The following DOCK4 variants were observed in gnomAD, a reference collection of about 807,000 sequenced individuals.
The protein encoded by DOCK4 is dedicator of cytokinesis 4, also known as dedicator of cytokinesis protein 4.
A neutral mutation model predicts 268.1 loss-of-function variants in DOCK4; 97 were observed. The ratio of observed to expected loss-of-function variants is 0.36; its 90% CI spans 0.31 to 0.43. DOCK4 has a LOEUF of 0.43. DOCK4 is among the 20% of genes least tolerant of loss of function. The pLI, the probability that DOCK4 is intolerant of heterozygous loss-of-function variation, is 1.00. For missense variants in DOCK4, 2,145 were observed against 2,455.7 expected, an observed-to-expected ratio of 0.87 and a Z score of 2.67; for synonymous variants, 954 against 887.2, an observed-to-expected ratio of 1.08 and a Z score of -1.34.
At position 111,880,626 on chromosome 7, in the gene DOCK4, A is replaced by G. The variant is rs376633181; in HGVS notation, c.1588-3440T>C. Among the ~76,000 whole-genome samples the G allele has an allele frequency of 1.8e-4, 27 of 152,320 alleles. No individual in the cohort carries two copies. The Middle Eastern group carries it at 0.01, about 58-fold the overall frequency. On this transcript the variant is annotated intron_variant, in intron 16 of 52. Coordinates refer to ENST00000428084, the MANE Select transcript of DOCK4 (RefSeq NM_001363540.2). ...AGCAGAAAGACTAAATGATGAACCA[A>G]TCAAAAAGAACAAAACTGGAGGAAT...
chr7:112,108,476 AAG>A (rs752600476), intron 1 of DOCK4, among the ~76,000 whole-genome samples: 7 of 152,222 alleles, frequency 4.6e-5, no homozygotes, highest in Non-Finnish European at 1.0e-4. Flanking sequence ...ATGAATAAAC[AAG>A]AGAGTGTAAT....
rs746314394 is a variant in DOCK4, at chr7:111,796,671, C to T, written c.3167-6066G>A. On this transcript the variant is annotated intron_variant, in intron 30 of 52. Transcript: ENST00000428084. ...AACCATTTTTTTTTAAAGGTAAGTGCTTTAGCATGGGCCATAATAGCAGGC... is the reference window on the plus strand; with the variant it reads ...AACCATTTTTTTTTAAAGGTAAGTGTTTTAGCATGGGCCATAATAGCAGGC... 8.5e-5 allele frequency among the ~76,000 whole-genome samples: 13 copies of T among 152,216 alleles called. 1 individual carries two copies. The Middle Eastern group carries it at 0.01, about 119-fold the overall frequency.
intron 25 of DOCK4, 65 bp from the exon 26 acceptor site, chr7:111,834,751 C>T: frequency 9.1e-7 from 1 of 1,102,368 alleles, no homozygotes; most frequent in Non-Finnish European, 1.3e-6. Flanking sequence ...ACATCAGTAA[C>T]TTACACTGAA....
chr7:112,033,521 T>C (rs985556422), intron 1 of DOCK4, among the ~76,000 whole-genome samples: 7 of 152,262 alleles, frequency 4.6e-5, no homozygotes, highest in African/African-American at 1.7e-4. Flanking sequence ...TTATTTGCAA[T>C]AATTTCTCAC....
intron 39 of DOCK4, among the ~76,000 whole-genome samples, chr7:111,762,564 T>G (rs957091734): frequency 1.3e-5 from 2 of 152,094 alleles, no homozygotes; most frequent in Non-Finnish European, 2.9e-5. Flanking sequence ...TGCATAGATA[T>G]GCTGTGTTTT....
At chr7:112,062,708 C>T (rs1305012077) in intron 1 of DOCK4, among the ~76,000 whole-genome samples, 1 of 152,196 alleles carries the variant, frequency 6.6e-6, no homozygotes, top group East Asian at 1.9e-4. Context: ...TAGACAGAGT[C>T]TCGCTCTGTC....
intron 1 of DOCK4, among the ~76,000 whole-genome samples, chr7:112,143,993 T>C (rs191828989): frequency 5.9e-5 from 9 of 152,334 alleles, no homozygotes; most frequent in Non-Finnish European, 5.9e-5. Flanking sequence ...TGCCAGAATA[T>C]AGCAGAAAGA....
chr7:111,767,208 C>A, intron 37 of DOCK4, 90 bp from the exon 38 acceptor site: 2 of 959,960 alleles, frequency 2.1e-6, no homozygotes, highest in Non-Finnish European at 1.6e-6. Context: ...TTTCAGAGCA[C>A]CAAGCCTTAC....
chr7:112,090,789 T>G (rs1809552552), intron 1 of DOCK4, among the ~76,000 whole-genome samples: 1 of 152,172 alleles, frequency 6.6e-6, no homozygotes, highest in Admixed American at 6.5e-5. Context: ...CTGTGACCAT[T>G]GAGACAGAAT....
In DOCK4 at chr7:111,994,230, G is replaced by A. The variant is rs1562970501; in HGVS notation, c.220C>T (p.Gln74Ter). The A allele has an allele frequency of 1.3e-6, 2 of 1,569,916 alleles. No individual in the cohort carries two copies. The highest frequency in any genetic ancestry group is 1.7e-6 in the Non-Finnish European group (2 of 1,153,862). The change falls in exon 5 of 53, where the codon CAA (glutamine) becomes TAA (stop). Residue 74 changes from glutamine (Q) to a stop codon, truncating the protein, a stop_gained and splice_region_variant. Transcript: ENST00000428084. LOFTEE classifies it high-confidence loss of function. ...LKNACVKNKG[Q>*]FEMVIPTEDS... ...TCAGTGGGAATAACCATTTCAAATT[G>A]TCTGTGAAATTAAAAAAGAAAAAGT...
At chr7:111,822,529 C>T (rs926606659) in intron 26 of DOCK4, 73 bp from the exon 27 acceptor site, 2 of 1,270,628 alleles carry the variant, frequency 1.6e-6, no homozygotes, top group African/African-American at 1.5e-5. Context: ...CATACACAGG[C>T]AGTACTGTTG....
At position 111,728,671 on chromosome 7, in the gene DOCK4, C is replaced by T. The variant is rs757347331; in HGVS notation, c.5531G>A (p.Gly1844Glu). The change falls in exon 53 of 53, where the codon GGA becomes GAA. Residue 1844 changes from glycine to glutamate, a missense_variant. By Grantham distance (98) the Gly-to-Glu change is moderately conservative. This residue lies in a region of DOCK4 where 547 missense variants were observed against 469.0 expected (regional missense o/e 1.17). Transcript: ENST00000428084. ...CAAGACAGGGGAGTTGGAGATGAGT[C>T]CTGGCGAGTGGTACTCCACTGGAGA... ...TPSPVEYHSP[G>E]LISNSPVLSG... 1 of 1,613,878 alleles carries T rather than the reference C, an allele frequency of 6.2e-7. No homozygotes were observed.
chr7:112,166,411 C>T (rs747017290), intron 1 of DOCK4, among the ~76,000 whole-genome samples: 1 of 150,788 alleles, frequency 6.6e-6, no homozygotes, highest in Non-Finnish European at 1.5e-5. Flanking sequence ...CCACCGCCTC[C>T]AAAAGATTCC....
rs1435347839 is a variant in DOCK4, at chr7:111,976,177, T to TATATATATACAC, written c.701+954_701+955insGTGTATATATAT. 9.1e-4 allele frequency among the ~76,000 whole-genome samples: 81 copies of TATATATATACAC among 89,160 alleles called. 8 individuals are homozygous for TATATATATACAC. Among genetic ancestry groups the TATATATATACAC allele is most frequent in the African/African-American group, 5.3e-3 (75 of 14,164 alleles). 58.5% of individuals were successfully genotyped at this position (89,160 alleles called of 152,430 possible). A position where few individuals can be genotyped will look rare whatever the true frequency, so the allele number is the denominator to read the frequency against. On this transcript the variant is annotated intron_variant, in intron 8 of 52. Transcript: ENST00000428084. ...AAAAAAAAAAATATATATATATATA[T>TATATATATACAC]ACACACACACACACGCACACACGCA...
chr7:111,849,037 G>C lies in DOCK4; in HGVS notation c.2474-1911C>G, dbSNP rs144527250. On this transcript the variant is annotated intron_variant, in intron 23 of 52. Transcript: ENST00000428084. ...TTCAAACCCAGAAGACTTTGTAACCGGGCCCTAGAGCTGCTTGCCTGGGCT... is the reference window on the plus strand; with the variant it reads ...TTCAAACCCAGAAGACTTTGTAACCCGGCCCTAGAGCTGCTTGCCTGGGCT... Among the ~76,000 whole-genome samples, 5 of 152,230 alleles carry C rather than the reference G, an allele frequency of 3.3e-5. No individual in the cohort carries two copies. In the South Asian group the frequency reaches 6.2e-4, roughly 19 times the overall value.
At chr7:111,904,830 C>G (rs993567716) in intron 13 of DOCK4, among the ~76,000 whole-genome samples, 1 of 152,128 alleles carries the variant, frequency 6.6e-6, no homozygotes, top group Admixed American at 6.5e-5. Context: ...AGAGACAACA[C>G]TACTTTGTTA....
In DOCK4 at chr7:111,926,527, AAAAGAG is replaced by A. The variant is rs950591415; in HGVS notation, c.1066+9007_1066+9012del. Among the ~76,000 whole-genome samples the A allele has an allele frequency of 1.8e-4, 27 of 147,616 alleles. 1 individual carries two copies. The highest frequency in any genetic ancestry group is 3.1e-4 in the African/African-American group (12 of 39,142). On this transcript the variant is annotated intron_variant, in intron 12 of 52. Transcript: ENST00000428084. ...AAAAGAAGGAAGAAAAAAAGAAAGA[AAAAGAG>A]AAAGAGAAAGAGAAAGAAAGGAAGG...
chr7:111,844,882 C>T lies in DOCK4; in HGVS notation c.2617G>A (p.Glu873Lys). Residue 873 changes from glutamate (E) to lysine (K), a missense_variant, in exon 25 of 53, where the codon GAG becomes AAG. Transcript: ENST00000428084. ...CTGGCCACTATCACATCTATTTCCT[C>T]CAGCACAGATTTTTCCTTAAGAGAA... is the stretch of plus-strand genomic sequence containing the variant. ...KKNSSEKSVL[E>K]EIDVIVASLL... The T allele has an allele frequency of 6.2e-7, 1 of 1,611,506 alleles. No homozygotes were observed. Among genetic ancestry groups the T allele is most frequent in the Non-Finnish European group, 8.5e-7 (1 of 1,178,848 alleles).
intron 17 of DOCK4, among the ~76,000 whole-genome samples, chr7:111,874,106 T>A (rs1201132778): frequency 6.6e-6 from 1 of 152,120 alleles, no homozygotes; most frequent in African/African-American, 2.4e-5. Context: ...CCTACCTACT[T>A]CCTACTTCCT....
Sources: gnomAD v4.1 joint callset for allele counts (sites outside exome capture counted in the v4.1 genomes callset) on GRCh38, gnomAD v4.1.1 for gene constraint, gnomAD v4.1.1 regional missense constraint, MANE v1.5 for transcripts, NCBI Gene and HGNC (gene_info 2026-07-23, HGNC 2026-07-21) for gene names.